Variants in RASAL2 observed in about 807,000 individuals in gnomAD.
The protein encoded by RASAL2 is ras GTPase-activating protein nGAP.
RASAL2 carries 58 observed loss-of-function variants against 128.9 expected under a neutral mutation model. That is an observed-to-expected ratio of 0.45 (90% CI 0.36 to 0.56). The LOEUF is 0.56. RASAL2 is among the 20% of genes least tolerant of loss of function. The probability of loss-of-function intolerance (pLI) is 0.00; values close to 1 mark genes in which losing one functional copy is unlikely to be tolerated. For missense variants in RASAL2, 1,360 were observed against 1,601.6 expected, an observed-to-expected ratio of 0.85 and a Z score of 2.57; for synonymous variants, 561 against 580.8, an observed-to-expected ratio of 0.97 and a Z score of 0.49.
intron 1 of RASAL2, among the ~76,000 whole-genome samples, chr1:178,197,705 A>T (rs1251652141): frequency 6.6e-6 from 1 of 151,946 alleles, no homozygotes; most frequent in Non-Finnish European, 1.5e-5. Flanking sequence ...TCTTCTTTTT[A>T]AAAAATTATT....
chr1:178,373,913 C>A (rs1057172537), intron 3 of RASAL2, among the ~76,000 whole-genome samples: 3 of 152,074 alleles, frequency 2.0e-5, no homozygotes, highest in African/African-American at 7.2e-5. Context: ...ATGATGTTGA[C>A]TTCTGGGTAG....
intron 1 of RASAL2, among the ~76,000 whole-genome samples, chr1:178,206,039 A>C (rs1663033564): frequency 6.6e-6 from 1 of 152,098 alleles, no homozygotes; most frequent in Non-Finnish European, 1.5e-5. Context: ...ACTGTTCTTC[A>C]GCTTTCTTCC....
chr1:178,292,449 A>G, intron 2 of RASAL2, among the ~76,000 whole-genome samples: 1 of 152,256 alleles, frequency 6.6e-6, no homozygotes, highest in Non-Finnish European at 1.5e-5. Flanking sequence ...GGAATGTGGC[A>G]GAAGGGTAGA....
intron 1 of RASAL2, among the ~76,000 whole-genome samples, chr1:178,218,768 G>C (rs1374182465): frequency 2.0e-5 from 3 of 152,244 alleles, no homozygotes; most frequent in Non-Finnish European, 4.4e-5. Context: ...AGTGCAGTCA[G>C]AGTAGATTTA....
chr1:178,273,212 T>G (rs755025278), intron 1 of RASAL2, among the ~76,000 whole-genome samples: 2 of 152,176 alleles, frequency 1.3e-5, no homozygotes, highest in South Asian at 2.1e-4. Flanking sequence ...GCCTAGGAAA[T>G]TAGAAAAATT....
intron 3 of RASAL2, among the ~76,000 whole-genome samples, chr1:178,366,319 T>C (rs1671395717): frequency 6.6e-6 from 1 of 151,710 alleles, no homozygotes; most frequent in South Asian, 2.1e-4. Flanking sequence ...TTATATAAAG[T>C]TACTAAAAAA....
At chr1:178,240,152 C>T (rs1664435533) in intron 1 of RASAL2, among the ~76,000 whole-genome samples, 1 of 151,946 alleles carries the variant, frequency 6.6e-6, no homozygotes, top group Non-Finnish European at 1.5e-5. Context: ...ATATGTTGTC[C>T]ACAGTGAACA....
At chr1:178,186,844 G>A (rs1428323051) in intron 1 of RASAL2, among the ~76,000 whole-genome samples, 1 of 151,602 alleles carries the variant, frequency 6.6e-6, no homozygotes, top group Admixed American at 6.6e-5. Context: ...GGGTTGGGCA[G>A]GCAGGGTCTC....
At chr1:178,324,428 GAA>G (rs1668937848) in intron 3 of RASAL2, among the ~76,000 whole-genome samples, 1 of 150,672 alleles carries the variant, frequency 6.6e-6, no homozygotes, top group Non-Finnish European at 1.5e-5. Flanking sequence ...AAAAAAAAAA[GAA>G]AAGAAATTTG....
intron 2 of RASAL2, among the ~76,000 whole-genome samples, chr1:178,288,873 A>T (rs1020518780): frequency 6.6e-6 from 1 of 150,426 alleles, no homozygotes; most frequent in Non-Finnish European, 1.5e-5. Context: ...CTGGACTCGA[A>T]CTCCTCACCT....
intron 1 of RASAL2, among the ~76,000 whole-genome samples, chr1:178,095,323 T>A (rs1309421522): frequency 6.6e-6 from 1 of 152,218 alleles, no homozygotes. Flanking sequence ...AACTTTCCCT[T>A]TCTGCATTCC....
chr1:178,464,567 G>GGTGTGTGTGTGT (rs58822651), intron 15 of RASAL2, among the ~76,000 whole-genome samples, 155 bp downstream of exon 15: 10,499 of 144,970 alleles, frequency 0.072, 414 homozygotes, highest in Middle Eastern at 0.11. Flanking sequence ...ATAGGTCAGT[G>GGTGTGTGTGTGT]GTGTGTGTGT....
At chr1:178,413,905 A>G (rs1449490940) in intron 4 of RASAL2, among the ~76,000 whole-genome samples, 1 of 152,212 alleles carries the variant, frequency 6.6e-6, no homozygotes, top group Non-Finnish European at 1.5e-5. Context: ...TAGACAGGAC[A>G]CAATTGAGGA....
chr1:178,324,763 T>A (rs1378829840), intron 3 of RASAL2, among the ~76,000 whole-genome samples: 1 of 152,178 alleles, frequency 6.6e-6, no homozygotes, highest in Non-Finnish European at 1.5e-5. Flanking sequence ...CAAGATTGGC[T>A]ATGCTGTTTA....
intron 1 of RASAL2, among the ~76,000 whole-genome samples, chr1:178,277,282 C>T (rs1666566603): frequency 6.6e-6 from 1 of 152,030 alleles, no homozygotes; most frequent in Non-Finnish European, 1.5e-5. Context: ...CCTCAGCTTC[C>T]CAAGTAGCTG....
chr1:178,256,319 A>G (rs1225496747), intron 1 of RASAL2, among the ~76,000 whole-genome samples: 1 of 152,216 alleles, frequency 6.6e-6, no homozygotes. Flanking sequence ...CATGATAAAA[A>G]ACACTCAACA....
At chr1:178,334,722 C>T (rs1195073357) in intron 3 of RASAL2, among the ~76,000 whole-genome samples, 2 of 152,150 alleles carry the variant, frequency 1.3e-5, no homozygotes, top group African/African-American at 2.4e-5. Context: ...ATAGGCAGGC[C>T]GGATGGGGGA....
chr1:178,278,713 G>A (rs776418720), intron 1 of RASAL2, among the ~76,000 whole-genome samples: 4 of 152,004 alleles, frequency 2.6e-5, no homozygotes, highest in Non-Finnish European at 5.9e-5. Flanking sequence ...CTTTCTATCA[G>A]ATCCCTTTAA....
intron 5 of RASAL2, among the ~76,000 whole-genome samples, chr1:178,425,847 A>C (rs1675479660): frequency 6.6e-6 from 1 of 152,200 alleles, no homozygotes; most frequent in Non-Finnish European, 1.5e-5. Context: ...GGAACCTGGG[A>C]AACTTTATAC....
Sources: allele counts gnomAD v4.1 joint callset (sites outside exome capture counted in the v4.1 genomes callset), GRCh38; gene constraint gnomAD v4.1.1; transcripts MANE v1.5; gene names NCBI Gene and HGNC (gene_info 2026-07-23, HGNC 2026-07-21).